The following NUP210 variants were observed in gnomAD, a reference collection of about 807,000 sequenced individuals.
NUP210 encodes nucleoporin 210.
NUP210 carries 151 observed loss-of-function variants against 196.0 expected under a neutral mutation model. The ratio of observed to expected loss-of-function variants is 0.77; its 90% CI spans 0.67 to 0.88. NUP210 has a LOEUF of 0.88. NUP210 is among the 40% of genes least tolerant of loss of function. The pLI is 0.00. For synonymous variants in NUP210, 1,070 were observed against 1,052.7 expected (o/e 1.02, Z -0.32); for missense variants, 2,314 against 2,493.7 (o/e 0.93, Z 1.53).
chr3:13,363,753 A>T (rs939622212), intron 14 of NUP210, among the ~76,000 whole-genome samples: 1 of 152,158 alleles, frequency 6.6e-6, no homozygotes, highest in African/African-American at 2.4e-5. Flanking sequence ...ATCCATATCC[A>T]CTTTTCTCTA....
Position 13,374,016 on chromosome 3 carries a change from ACACT to A in NUP210, c.1432-147_1432-144del, listed in dbSNP as rs942238812. On this transcript the variant is annotated intron_variant, in intron 11 of 39. Transcript: ENST00000254508. ...CACACTCATGGGTTCACCCATGCAC[ACACT>A]CACCATTCACACTCACATGTACAGC... 15 of 932,994 alleles carry A rather than the reference ACACT, an allele frequency of 1.6e-5. No individual in the cohort carries two copies. The Middle Eastern group carries it at 9.4e-4, about 58-fold the overall frequency. The allele number at this position is 932,994 out of a possible 1,614,324, so 57.8% of individuals were successfully genotyped here. A position where few individuals can be genotyped will look rare whatever the true frequency, so the allele number is the denominator to read the frequency against.
chr3:13,324,554 C>T (rs1456224924), intron 33 of NUP210, among the ~76,000 whole-genome samples: 1 of 152,176 alleles, frequency 6.6e-6, no homozygotes, highest in Non-Finnish European at 1.5e-5. Flanking sequence ...GCCCTTCCTC[C>T]CCTCCAGCCT....
intron 28 of NUP210, among the ~76,000 whole-genome samples, chr3:13,334,666 G>GT (rs998635584): frequency 2.0e-5 from 3 of 152,190 alleles, no homozygotes; most frequent in Non-Finnish European, 4.4e-5. Context: ...AGGCCCAGAG[G>GT]AGCAGAACGA....
chr3:13,415,771 C>A (rs1169208383), intron 1 of NUP210, among the ~76,000 whole-genome samples: 1 of 152,188 alleles, frequency 6.6e-6, no homozygotes, highest in South Asian at 2.1e-4. Flanking sequence ...TGCTGACGTG[C>A]CCGTCCCAGA....
Position 13,336,862 on chromosome 3 carries a change from A to C in NUP210, c.3609T>G (p.Asn1203Lys). 3 of 1,613,918 alleles carry C rather than the reference A, an allele frequency of 1.9e-6. No homozygotes were observed. Among genetic ancestry groups the C allele is most frequent in the Non-Finnish European group, 2.5e-6 (3 of 1,179,908 alleles). ...TNHQNPFSFGNAVPGLTFHWS... is the reference protein window; with the variant it reads ...TNHQNPFSFGKAVPGLTFHWS... ...AGTGGAAGGTCAGGCCTGGCACGGC[A>C]TTGCCAAAGGAGAAAGGGTTCTGGT... The change falls in exon 27 of 40, where the codon AAT becomes AAG. Residue 1203 changes from asparagine to lysine, a missense_variant. By Grantham distance (94) the Asn-to-Lys change is moderately conservative (BLOSUM62 0). Transcript: ENST00000254508.
Position 13,340,301 on chromosome 3 carries a change from G to A in NUP210, c.3229-3C>T. Reference sequence around the variant, plus strand: ...ATCAGCCTGAACGGGGGAAAGACCTGTTGAGAGACACAGGAGAGAAAGGAC... The same window carrying A: ...ATCAGCCTGAACGGGGGAAAGACCTATTGAGAGACACAGGAGAGAAAGGAC... On this transcript the variant is annotated splice_region_variant and splice_polypyrimidine_tract_variant and intron_variant, in intron 23 of 39. Coordinates refer to ENST00000254508, the MANE Select transcript of NUP210 (RefSeq NM_024923.4). This position sits in a 1 kb window ranked among gnomAD's most constrained non-coding sequence, Gnocchi z 4.0. 6.2e-7 allele frequency: 1 copy of A among 1,613,232 alleles called. No individual in the cohort carries two copies. Among genetic ancestry groups the A allele is most frequent in the Middle Eastern group, 1.6e-4 (1 of 6,062 alleles).
At chr3:13,373,566 T>G in intron 12 of NUP210, 152 bp downstream of exon 12, 1 of 691,186 alleles carries the variant, frequency 1.4e-6, no homozygotes, top group African/African-American at 1.8e-5. Flanking sequence ...GACATGGCCG[T>G]GAGCTCCTAA....
chr3:13,365,052 C>A (rs1181799987), intron 14 of NUP210, among the ~76,000 whole-genome samples: 1 of 152,128 alleles, frequency 6.6e-6, no homozygotes. Flanking sequence ...GAAGGAGGAG[C>A]AGGAACTCCC....
At chr3:13,397,258 G>A in intron 3 of NUP210, 99 bp downstream of exon 3, 2 of 1,418,094 alleles carry the variant, frequency 1.4e-6, no homozygotes, top group African/African-American at 2.9e-5. Context: ...CTGCAGGGTT[G>A]GATGCCAGAG....
intron 1 of NUP210, among the ~76,000 whole-genome samples, chr3:13,419,659 C>G (rs1407621033): frequency 6.6e-6 from 1 of 152,212 alleles, no homozygotes; most frequent in East Asian, 1.9e-4. Flanking sequence ...ACAGACAAAC[C>G]CGAGCTGGGG....
chr3:13,334,281 GC>G (rs1301555086), intron 28 of NUP210, among the ~76,000 whole-genome samples: 1 of 152,226 alleles, frequency 6.6e-6, no homozygotes, highest in African/African-American at 2.4e-5. Context: ...GCAAAACCCT[GC>G]CTTTAATTCC....
chr3:13,344,142 G>A lies in NUP210; in HGVS notation c.2836-839C>T, dbSNP rs371477930. 2.1e-4 allele frequency among the ~76,000 whole-genome samples: 32 copies of A among 152,290 alleles called. No homozygotes were observed. In the South Asian group the frequency reaches 6.4e-3, roughly 31 times the overall value. ...CAGCTCACTACAACCTCAAACTCCT[G>A]GGCTCAAGGCAAGAGCCCACCTTTT... On this transcript the variant is annotated intron_variant, in intron 20 of 39. Coordinates refer to ENST00000254508, the MANE Select transcript of NUP210 (RefSeq NM_024923.4).
intron 26 of NUP210, chr3:13,337,122 C>T (rs1047875627): frequency 3.0e-5 from 15 of 504,442 alleles, no homozygotes; most frequent in Admixed American, 1.9e-4. Flanking sequence ...CTGTCCCTCC[C>T]CTGCAGCGGG....
In NUP210 at chr3:13,374,352, G is replaced by A. The variant is rs116540007; in HGVS notation, c.1432-479C>T. Among the ~76,000 whole-genome samples the A allele has an allele frequency of 5.7e-3, 872 of 152,114 alleles. 8 individuals are homozygous for A. Among genetic ancestry groups the A allele is most frequent in the African/African-American group, 0.02 (845 of 41,492 alleles). On this transcript the variant is annotated intron_variant, in intron 11 of 39. Transcript: ENST00000254508. Reference sequence around the variant, plus strand: ...CACAAACTTTCTCACACATACATACGTTCACACATATATACTCGCACCAAT... The same window carrying A: ...CACAAACTTTCTCACACATACATACATTCACACATATATACTCGCACCAAT...
chr3:13,351,692 C>T, intron 20 of NUP210, 187 bp downstream of exon 20: 2 of 546,890 alleles, frequency 3.7e-6, no homozygotes, highest in Non-Finnish European at 6.5e-6. Flanking sequence ...AGATGGGGGT[C>T]TCACTATATT....
Position 13,323,386 on chromosome 3 carries a change from G to A in NUP210, c.4691C>T (p.Pro1564Leu). 6.2e-7 allele frequency: 1 copy of A among 1,614,128 alleles called. No individual in the cohort carries two copies. Residue 1564 changes from proline to leucine, a missense_variant, in exon 34 of 40, where the codon CCC becomes CTC. Physicochemically the swap from Pro to Leu is moderately conservative, Grantham distance 98. Coordinates refer to ENST00000254508, the MANE Select transcript of NUP210 (RefSeq NM_024923.4). The surrounding 1 kb of genome is among the most constrained non-coding windows in gnomAD (Gnocchi z 4.3). ...PQRIMARHLH[P>L]IQTSFQEATA... is the part of the protein sequence containing the mutation. ...AGCCTCCTGGAAGCTGGTCTGGATG[G>A]GGTGGAGGTGACGGGCCATGATCCT...
At chr3:13,353,138 G>A (rs1166218207) in intron 18 of NUP210, among the ~76,000 whole-genome samples, 4 of 152,002 alleles carry the variant, frequency 2.6e-5, no homozygotes, top group Non-Finnish European at 2.9e-5. Context: ...CTGCCCCCAC[G>A]GGACCCCAGC....
chr3:13,351,659 G>C (rs1229378944), intron 20 of NUP210: 1 of 482,948 alleles, frequency 2.1e-6, no homozygotes, highest in Non-Finnish European at 3.6e-6. Flanking sequence ...GCTAATTTTT[G>C]ATTTTTCTTT....
intron 8 of NUP210, 127 bp from the exon 9 acceptor site, chr3:13,377,689 C>T (rs1559336475): frequency 3.2e-6 from 2 of 629,874 alleles, no homozygotes; most frequent in African/African-American, 3.7e-5. Flanking sequence ...CACCCACCTG[C>T]AGGCCCCACA....
Sources: allele counts gnomAD v4.1 joint callset (sites outside exome capture counted in the v4.1 genomes callset), GRCh38; gene constraint gnomAD v4.1.1; non-coding constraint Gnocchi (gnomAD v3.1); transcripts MANE v1.5; gene names NCBI Gene and HGNC (gene_info 2026-07-23, HGNC 2026-07-21).